The following LTBP2 variants were observed in gnomAD, a reference collection of about 807,000 sequenced individuals.
LTBP2 encodes latent transforming growth factor beta binding protein 2.
In LTBP2, 103 loss-of-function variants were observed where a neutral mutation model predicts 210.6. The ratio of observed to expected loss-of-function variants is 0.49; its 90% confidence interval spans 0.42 to 0.58. The LOEUF (loss-of-function observed/expected upper bound fraction) is 0.58. LTBP2 is among the 20% of genes least tolerant of loss of function. The pLI, the probability that LTBP2 is intolerant of heterozygous loss-of-function variation, is 0.00. For synonymous variants in LTBP2, 1,007 were observed against 1,015.0 expected, an observed-to-expected ratio of 0.99 and a Z score of 0.15; for missense variants, 2,313 against 2,494.5, an observed-to-expected ratio of 0.93 and a Z score of 1.55.
chr14:74,508,258 G>A (rs560293080), intron 24 of LTBP2, among the ~76,000 whole-genome samples, 163 bp from the exon 25 acceptor site: 117 of 152,200 alleles, frequency 7.7e-4, no homozygotes, highest in African/African-American at 2.7e-3. Flanking sequence ...GGTGGGCACC[G>A]GGGTGGGGGT....
At chr14:74,502,445 TC>T in intron 34 of LTBP2, 1 of 685,340 alleles carries the variant, frequency 1.5e-6, no homozygotes, top group Non-Finnish European at 2.6e-6. Context: ...CCTTTTTGTG[TC>T]CCTGTGATAG....
chr14:74,516,365 T>C (rs2087135128), intron 18 of LTBP2, among the ~76,000 whole-genome samples: 69 of 127,564 alleles, frequency 5.4e-4, no homozygotes, highest in African/African-American at 1.5e-3. Flanking sequence ...CCTCCCTCCC[T>C]TCCTTCCTTC....
chr14:74,566,404 C>A lies in LTBP2; in HGVS notation c.831-10711G>T, dbSNP rs557088681. The stretch of plus-strand genomic sequence containing the variant: ...TTCCCAGAACTCTCTCTGCTGCCGG[C>A]CAAAGCGCAGAGGCTGCTCCTTCCT... On this transcript the variant is annotated intron_variant, in intron 3 of 35. Transcript: ENST00000261978. 5.9e-5 allele frequency among the ~76,000 whole-genome samples: 9 copies of A among 152,352 alleles called. No homozygotes were observed. In the South Asian group the frequency reaches 1.9e-3, roughly 32 times the overall value.
chr14:74,500,711 A>G lies in LTBP2; in HGVS notation c.*173T>C. ...TTGAGCCAAGCAAGGGCATGGAGGCAATGACCGAAGCTTACAGCCAGAGGC... is the reference window on the plus strand; with the variant it reads ...TTGAGCCAAGCAAGGGCATGGAGGCGATGACCGAAGCTTACAGCCAGAGGC... On this transcript the variant is annotated 3_prime_UTR_variant, in exon 36 of 36. Transcript: ENST00000261978. 1 of 828,336 alleles carries G rather than the reference A, an allele frequency of 1.2e-6. No individual in the cohort carries two copies. Among genetic ancestry groups the G allele is most frequent in the South Asian group, 1.5e-5 (1 of 64,824 alleles). 51.3% of individuals were successfully genotyped at this position (828,336 alleles called of 1,614,324 possible). A position where few individuals can be genotyped will look rare whatever the true frequency, so the allele number is the denominator to read the frequency against.
rs192410085 is a variant in LTBP2, at chr14:74,507,089, G to A, written c.3907+90C>T. 8.2e-5 allele frequency: 131 copies of A among 1,605,342 alleles called. 2 individuals are homozygous for A. The highest frequency in any genetic ancestry group is 7.6e-4 in the South Asian group (69 of 90,264). On this transcript the variant is annotated intron_variant, in intron 26 of 35. Coordinates refer to ENST00000261978, the MANE Select transcript of LTBP2 (RefSeq NM_000428.3). ...AAGCTACAATCAGCTGCAAAAAATCGTGTCCTCAGGAGAAAATCATGTCTC... is the reference window on the plus strand; with the variant it reads ...AAGCTACAATCAGCTGCAAAAAATCATGTCCTCAGGAGAAAATCATGTCTC...
rs2087831691 is a variant in LTBP2, at chr14:74,564,023, C to CTATATATATATTTATATATATATT, written c.831-8331_831-8330insAATATATATATAAATATATATATA. 1.0e-4 allele frequency among the ~76,000 whole-genome samples: 5 copies of CTATATATATATTTATATATATATT among 48,196 alleles called. 2 individuals carry two copies. Among genetic ancestry groups the CTATATATATATTTATATATATATT allele is most frequent in the Non-Finnish European group, 2.0e-4 (5 of 25,374 alleles). 31.6% of individuals were successfully genotyped at this position (48,196 alleles called of 152,430 possible). A position where few individuals can be genotyped will look rare whatever the true frequency, so the allele number is the denominator to read the frequency against. The stretch of plus-strand genomic sequence containing the variant: ...TGGGTGGGTAGGGAATAAACTGGTG[C>CTATATATATATTTATATATATATT]TATATATATATTTATATATATATAT... On this transcript the variant is annotated intron_variant, in intron 3 of 35. Transcript: ENST00000261978.
chr14:74,501,009 A>G lies in LTBP2; in HGVS notation c.5341T>C (p.Leu1781=). 1 of 1,613,972 alleles carries G rather than the reference A, an allele frequency of 6.2e-7. No individual in the cohort carries two copies. Among genetic ancestry groups the G allele is most frequent in the South Asian group, 1.1e-5 (1 of 91,034 alleles). Residue 1781 remains leucine (L), a synonymous_variant, in exon 36 of 36, where the codon TTG becomes CTG. Transcript: ENST00000261978. ...ACACAGAGCACAGCAGGCCCGTTCA[A>G]GTCATCACACTCATTCACATCTAAG... ...ACVDVNECDD[L]NGPAVLCVHG...
chr14:74,609,628 C>A (rs1426826130), intron 1 of LTBP2, among the ~76,000 whole-genome samples: 1 of 152,166 alleles, frequency 6.6e-6, no homozygotes, highest in Non-Finnish European at 1.5e-5. Flanking sequence ...CACCTCCAGG[C>A]CCCCCTCCTG....
chr14:74,502,209 A>G (rs1209793956), intron 34 of LTBP2, among the ~76,000 whole-genome samples: 1 of 152,006 alleles, frequency 6.6e-6, no homozygotes, highest in African/African-American at 2.4e-5. Flanking sequence ...GAGTGTTTGG[A>G]TCGCACCATT....
At chr14:74,606,736 G>A (rs572989731) in intron 1 of LTBP2, among the ~76,000 whole-genome samples, 40 of 152,246 alleles carry the variant, frequency 2.6e-4, no homozygotes, top group Admixed American at 1.2e-3. Flanking sequence ...CTACTCACTC[G>A]GGAGGTTGAG....
At chr14:74,578,616 C>T (rs2088092846) in intron 3 of LTBP2, among the ~76,000 whole-genome samples, 1 of 152,158 alleles carries the variant, frequency 6.6e-6, no homozygotes, top group Admixed American at 6.5e-5. Flanking sequence ...TGCACTCCCC[C>T]ATAACAGTGC....
chr14:74,522,956 T>A (rs200540583), intron 15 of LTBP2, 38 bp from the exon 16 acceptor site: 1 of 1,586,116 alleles, frequency 6.3e-7, no homozygotes, highest in African/African-American at 1.3e-5. Flanking sequence ...TATGGCAGGG[T>A]GGGTGCTGGA....
Position 74,536,032 on chromosome 14 carries a change from G to A in LTBP2, c.1790-32C>T, listed in dbSNP as rs1271986568. ...AGTGGAGATACGGACAGGTCTCACT[G>A]GACGGCCCCTGGGCTCCTCTGTCAC... On this transcript the variant is annotated intron_variant, in intron 8 of 35. Coordinates refer to ENST00000261978, the MANE Select transcript of LTBP2 (RefSeq NM_000428.3). 5.7e-6 allele frequency: 9 copies of A among 1,591,356 alleles called. No individual in the cohort carries two copies. The East Asian group carries it at 1.8e-4, about 32-fold the overall frequency.
intron 2 of LTBP2, among the ~76,000 whole-genome samples, chr14:74,588,433 C>T (rs1019905686): frequency 6.6e-6 from 1 of 152,058 alleles, no homozygotes; most frequent in Non-Finnish European, 1.5e-5. Flanking sequence ...GTTGGTCAGG[C>T]TGGTCTGAAA....
chr14:74,573,448 A>T (rs2088012239), intron 3 of LTBP2, among the ~76,000 whole-genome samples: 1 of 152,202 alleles, frequency 6.6e-6, no homozygotes, highest in South Asian at 2.1e-4. Flanking sequence ...AGGAGGTCAG[A>T]GGGCAGGAGA....
At chr14:74,556,166 T>C (rs982046294) in intron 3 of LTBP2, among the ~76,000 whole-genome samples, 2 of 152,318 alleles carry the variant, frequency 1.3e-5, no homozygotes, top group South Asian at 2.1e-4. Context: ...ACCTTCAAGA[T>C]TGATTCAGGG....
rs770862437 is a variant in LTBP2 at position 74,551,141 on chromosome 14, G to C, written c.1609C>G (p.Pro537Ala). The C allele has an allele frequency of 2.9e-5, 46 of 1,613,806 alleles. No homozygotes were observed. In the Admixed American group the frequency reaches 7.3e-4, roughly 26 times the overall value. ...GGTGCTGCTGGGGGCAGTGGCCGAG[G>C]GGGCTCTCCAGACCGAGCAGGGATG... ...NNIPARSGEP[P>A]RPLPPAAPRP... Residue 537 changes from proline (P) to alanine (A), a missense_variant, in exon 7 of 36, where the codon CCT (proline) becomes GCT (alanine). By Grantham distance (27) the Pro-to-Ala change is conservative (BLOSUM62 -1). This residue lies in a region of LTBP2 where 1,867 missense variants were observed against 1,976.9 expected (regional missense o/e 0.94). Coordinates refer to ENST00000261978, the MANE Select transcript of LTBP2 (RefSeq NM_000428.3).
At chr14:74,574,021 T>G (rs1174953709) in intron 3 of LTBP2, among the ~76,000 whole-genome samples, 2 of 152,168 alleles carry the variant, frequency 1.3e-5, no homozygotes, top group Non-Finnish European at 2.9e-5. Context: ...TCCCCAGTAT[T>G]AAATTAGGTG....
At chr14:74,566,101 T>A (rs965441543) in intron 3 of LTBP2, among the ~76,000 whole-genome samples, 8 of 152,078 alleles carry the variant, frequency 5.3e-5, no homozygotes, top group African/African-American at 1.9e-4. Flanking sequence ...TATGCATACA[T>A]AGACAATCGT....
Sources: allele counts gnomAD v4.1 joint callset (sites outside exome capture counted in the v4.1 genomes callset), GRCh38; gene constraint gnomAD v4.1.1; regional missense constraint gnomAD v4.1.1; transcripts MANE v1.5; gene names NCBI Gene and HGNC (gene_info 2026-07-23, HGNC 2026-07-21).